Variants in FSCN1 observed in about 807,000 individuals in gnomAD.
FSCN1 encodes the protein fascin actin-bundling protein 1, also known as fascin.
A neutral mutation model predicts 39.7 loss-of-function variants in FSCN1; 10 were observed. That is an observed-to-expected ratio of 0.25 (90% CI 0.16 to 0.43). FSCN1 has a LOEUF of 0.43. Among genes scored for constraint, FSCN1 ranks in the 20% least tolerant of loss-of-function variants. The pLI is 1.00. For missense variants in FSCN1, 525 were observed against 723.8 expected (o/e 0.73, Z 3.15); for synonymous variants, 322 against 320.0 (o/e 1.01, Z -0.07).
rs781607926 is a variant in FSCN1, at chr7:5,593,058, A to G, written c.122A>G (p.Lys41Arg). The change falls in exon 1 of 5, where the codon AAG (lysine) becomes AGG (arginine). Residue 41 changes from lysine (K) to arginine (R), a missense_variant. This residue lies in a region of FSCN1 where 246 missense variants were observed against 350.6 expected (regional missense o/e 0.70). Transcript: ENST00000382361. ...FKVNASASSL[K>R]KKQIWTLEQP... ...GTGAACGCGTCCGCCAGCAGCCTGA[A>G]GAAGAAGCAGATCTGGACGCTGGAG... 5 of 1,604,506 alleles carry G rather than the reference A, an allele frequency of 3.1e-6. No homozygotes were observed. The highest frequency in any genetic ancestry group is 4.3e-6 in the Non-Finnish European group (5 of 1,176,404).
At chr7:5,602,766 C>T (rs1259073773) in intron 1 of FSCN1, 4 of 173,920 alleles carry the variant, frequency 2.3e-5, no homozygotes, top group East Asian at 1.7e-4. Flanking sequence ...GGTGCAATCA[C>T]GGCTCACTGC....
chr7:5,604,524 A>G (rs2128550318), intron 4 of FSCN1, among the ~76,000 whole-genome samples: 1 of 151,724 alleles, frequency 6.6e-6, no homozygotes, highest in South Asian at 2.1e-4. Context: ...GCTGGACTGC[A>G]GTGGCGTTAT....
Position 5,592,873 on chromosome 7 carries a change from GCCGCCGCAGGGAC to G in FSCN1, c.-58_-46del. On this transcript the variant is annotated 5_prime_UTR_variant, in exon 1 of 5. Coordinates refer to ENST00000382361, the MANE Select transcript of FSCN1 (RefSeq NM_003088.4). The surrounding 1 kb of genome is among the most constrained non-coding windows in gnomAD (Gnocchi z 5.3). ...GGCAGCCGAACAAAGGAGCAGGGGC[GCCGCCGCAGGGAC>G]CCGCCACCCACCTCCCGGGGCCGCG... 9.8e-7 allele frequency: 1 copy of G among 1,016,874 alleles called. No individual in the cohort carries two copies. The highest frequency in any genetic ancestry group is 1.4e-6 in the Non-Finnish European group (1 of 710,454). The allele number at this position is 1,016,874 out of a possible 1,614,324, so 63.0% of individuals were successfully genotyped here.
Position 5,603,917 on chromosome 7 carries a change from G to C in FSCN1, c.1166G>C (p.Arg389Pro). Residue 389 changes from arginine to proline, a missense_variant, in exon 4 of 5, where the codon CGC becomes CCC. By Grantham distance (103) the Arg-to-Pro change is moderately radical. Coordinates refer to ENST00000382361, the MANE Select transcript of FSCN1 (RefSeq NM_003088.4). The surrounding 1 kb of genome is among the most constrained non-coding windows in gnomAD (Gnocchi z 8.5). ...KLINRPIIVF[R>P]GEHGFIGCRK... ...ATCAACCGCCCCATCATCGTGTTCC[G>C]CGGGGAGCATGGCTTCATCGGCTGC... 6.2e-7 allele frequency: 1 copy of C among 1,614,012 alleles called. No individual in the cohort carries two copies. Among genetic ancestry groups the C allele is most frequent in the Non-Finnish European group, 8.5e-7 (1 of 1,180,014 alleles).
chr7:5,602,130 T>C (rs1334732842), intron 1 of FSCN1, among the ~76,000 whole-genome samples: 1 of 151,782 alleles, frequency 6.6e-6, no homozygotes, highest in African/African-American at 2.4e-5. Context: ...GGTCTCAAAC[T>C]CCCGACCTCG....
chr7:5,602,139 C>T (rs113327561), intron 1 of FSCN1, among the ~76,000 whole-genome samples: 1,952 of 151,424 alleles, frequency 0.013, 41 homozygotes, highest in African/African-American at 0.045. Flanking sequence ...CTCCCGACCT[C>T]GGGTGATCTG....
chr7:5,599,115 C>T lies in FSCN1; in HGVS notation c.833-4142C>T, dbSNP rs1289903487. ...CCTGGGGTGTGGCCTTAGGATGGTC[C>T]CGGCACCCTGGGACCCAGCCCCTGC... On this transcript the variant is annotated intron_variant, in intron 1 of 4. Coordinates refer to ENST00000382361, the MANE Select transcript of FSCN1 (RefSeq NM_003088.4). This position sits in a 1 kb window ranked among gnomAD's most constrained non-coding sequence, Gnocchi z 5.6. 5.7e-4 allele frequency among the ~76,000 whole-genome samples: 2 copies of T among 3,488 alleles called. No individual in the cohort carries two copies. Among genetic ancestry groups the T allele is most frequent in the African/African-American group, 1.6e-3 (1 of 638 alleles). The allele number at this position is 3,488 out of a possible 152,430, so 2.3% of individuals were successfully genotyped here. A position where few individuals can be genotyped will look rare whatever the true frequency, so the allele number is the denominator to read the frequency against.
At chr7:5,602,161 C>T (rs1020604891) in intron 1 of FSCN1, among the ~76,000 whole-genome samples, 1 of 151,456 alleles carries the variant, frequency 6.6e-6, no homozygotes, top group African/African-American at 2.4e-5. Context: ...CTGCCTTGGC[C>T]TCCCAAACTG....
In FSCN1 at chr7:5,593,243, C is replaced by T. The variant is rs1027663310; in HGVS notation, c.307C>T (p.Leu103=). 3.1e-6 allele frequency: 5 copies of T among 1,608,894 alleles called. No homozygotes were observed. Among genetic ancestry groups the T allele is most frequent in the Non-Finnish European group, 4.2e-6 (5 of 1,178,840 alleles). Residue 103 remains leucine, a synonymous_variant, in exon 1 of 5, where the codon CTG becomes TTG. Transcript: ENST00000382361. ...GGCGCACGACGACGGTCGCTGGTCG[C>T]TGCAGTCCGAGGCGCACCGGCGCTA... is the stretch of plus-strand genomic sequence containing the variant. The part of the protein sequence containing the change: ...IVAHDDGRWS[L]QSEAHRRYFG...
In FSCN1 at chr7:5,593,622, G is replaced by A. The variant is rs774813520; in HGVS notation, c.686G>A (p.Arg229His). Residue 229 changes from arginine to histidine, a missense_variant, in exon 1 of 5, where the codon CGT becomes CAT. Physicochemically the swap from Arg to His is conservative, Grantham distance 29. Around this residue, in one of 3 missense-constraint regions of FSCN1, gnomAD observed 246 missense variants for 350.6 expected, o/e 0.70. Coordinates refer to ENST00000382361, the MANE Select transcript of FSCN1 (RefSeq NM_003088.4). Reference protein sequence around the residue: ...GKVAFRDCEGRYLAPSGPSGT... With the variant: ...GKVAFRDCEGHYLAPSGPSGT... ...GTGGCCTTCCGCGACTGCGAGGGCC[G>A]TTACCTGGCGCCGTCGGGGCCCAGC... 5.1e-6 allele frequency: 8 copies of A among 1,562,774 alleles called. No individual in the cohort carries two copies. In the Admixed American group the frequency reaches 5.6e-5, roughly 11 times the overall value.
At position 5,599,636 on chromosome 7, in the gene FSCN1, C is replaced by G. The variant is rs1785792348; in HGVS notation, c.833-3621C>G. Among the ~76,000 whole-genome samples, 1 of 152,006 alleles carries G rather than the reference C, an allele frequency of 6.6e-6. No individual in the cohort carries two copies. Among genetic ancestry groups the G allele is most frequent in the African/African-American group, 2.4e-5 (1 of 41,364 alleles). ...GGCAACATAGCGAGACCACCCCCATCTCTACAAAATAATGTTAAAGTTAGC... is the reference window on the plus strand; with the variant it reads ...GGCAACATAGCGAGACCACCCCCATGTCTACAAAATAATGTTAAAGTTAGC... On this transcript the variant is annotated intron_variant, in intron 1 of 4. Coordinates refer to ENST00000382361, the MANE Select transcript of FSCN1 (RefSeq NM_003088.4). This position sits in a 1 kb window ranked among gnomAD's most constrained non-coding sequence, Gnocchi z 5.6.
rs555684920 is a variant in FSCN1 at position 5,604,511 on chromosome 7, C to T, written c.1279+481C>T. On this transcript the variant is annotated intron_variant, in intron 4 of 4. Coordinates refer to ENST00000382361, the MANE Select transcript of FSCN1 (RefSeq NM_003088.4). ...TTTTTTTGAGACTCACTCCCTCACC[C>T]TGGCTGGACTGCAGTGGCGTTATCT... 8.5e-3 allele frequency among the ~76,000 whole-genome samples: 931 copies of T among 109,618 alleles called. 5 individuals are homozygous for T. The highest frequency in any genetic ancestry group is 0.037 in the Middle Eastern group (7 of 190). The allele number at this position is 109,618 out of a possible 152,430, so 71.9% of individuals were successfully genotyped here. A position where few individuals can be genotyped will look rare whatever the true frequency, so the allele number is the denominator to read the frequency against.
rs1322583262 is a variant in FSCN1, at chr7:5,599,423, T to TG, written c.833-3833dup. Among the ~76,000 whole-genome samples the TG allele has an allele frequency of 1.3e-5, 2 of 152,112 alleles. No individual in the cohort carries two copies. The highest frequency in any genetic ancestry group is 2.9e-5 in the Non-Finnish European group (2 of 68,026). On this transcript the variant is annotated intron_variant, in intron 1 of 4. Coordinates refer to ENST00000382361, the MANE Select transcript of FSCN1 (RefSeq NM_003088.4). This position sits in a 1 kb window ranked among gnomAD's most constrained non-coding sequence, Gnocchi z 5.6. ...TGCTGTGTGACCTTAGGCAAGGACATGCCACCACCGGCCTTAGTCTCCCTC... is the reference window on the plus strand; with the variant it reads ...TGCTGTGTGACCTTAGGCAAGGACATGGCCACCACCGGCCTTAGTCTCCCTC...
In FSCN1 at chr7:5,603,336, G is replaced by T. The variant is rs746374083; in HGVS notation, c.912G>T (p.Lys304Asn). 18 of 1,613,578 alleles carry T rather than the reference G, an allele frequency of 1.1e-5. No homozygotes were observed. Among genetic ancestry groups the T allele is most frequent in the Non-Finnish European group, 1.4e-5 (16 of 1,180,024 alleles). Residue 304 changes from lysine (K) to asparagine (N), a missense_variant, in exon 2 of 5, where the codon AAG becomes AAT. Lys to Asn is a moderately conservative substitution (Grantham distance 94, BLOSUM62 0). This residue lies in a region of FSCN1 where 275 missense variants were observed against 351.9 expected (regional missense o/e 0.78). Coordinates refer to ENST00000382361, the MANE Select transcript of FSCN1 (RefSeq NM_003088.4). The surrounding 1 kb of genome is among the most constrained non-coding windows in gnomAD (Gnocchi z 8.5). Reference sequence around the variant, plus strand: ...TGGAGATCGACCGCGACACCAAAAAGTGTGCCTTCCGTACCCACACGGGCA... The same window carrying T: ...TGGAGATCGACCGCGACACCAAAAATTGTGCCTTCCGTACCCACACGGGCA... ...FQLEIDRDTK[K>N]CAFRTHTGKY...
In FSCN1 at chr7:5,603,169, G is replaced by A. The variant is rs559607054; in HGVS notation, c.833-88G>A. ...ACCCCACCCCGTGGTGTTACCTTGC[G>A]TGTGTAGTTCTGTGAGCTCAGGGCT... On this transcript the variant is annotated intron_variant, in intron 1 of 4. Transcript: ENST00000382361. This position sits in a 1 kb window ranked among gnomAD's most constrained non-coding sequence, Gnocchi z 8.5. 1.6e-5 allele frequency: 24 copies of A among 1,470,026 alleles called. No homozygotes were observed. Among genetic ancestry groups the A allele is most frequent in the Admixed American group, 8.9e-5 (5 of 56,382 alleles). The allele number at this position is 1,470,026 out of a possible 1,614,324, so 91.1% of individuals were successfully genotyped here.
Position 5,593,428 on chromosome 7 carries a change from C to A in FSCN1, c.492C>A (p.Ala164=), listed in dbSNP as rs61731558. 6.2e-7 allele frequency: 1 copy of A among 1,612,106 alleles called. No individual in the cohort carries two copies. Among genetic ancestry groups the A allele is most frequent in the African/African-American group, 1.3e-5 (1 of 75,048 alleles). ...HLSARPADEI[A]VDRDVPWGVD... is the part of the protein sequence containing the mutation. ...GCGCGCGGCCGGCCGACGAGATCGC[C>A]GTGGACCGCGACGTGCCCTGGGGCG... The change falls in exon 1 of 5, where the codon GCC becomes GCA. Residue 164 remains alanine, a synonymous_variant. Coordinates refer to ENST00000382361, the MANE Select transcript of FSCN1 (RefSeq NM_003088.4).
chr7:5,593,114 G>C lies in FSCN1; in HGVS notation c.178G>C (p.Val60Leu). 1 of 1,604,588 alleles carries C rather than the reference G, an allele frequency of 6.2e-7. No individual in the cohort carries two copies. The highest frequency in any genetic ancestry group is 1.3e-5 in the African/African-American group (1 of 74,948). Reference sequence around the variant, plus strand: ...CCCTGACGAGGCGGGCAGCGCGGCCGTGTGCCTGCGCAGCCACCTGGGCCG... The same window carrying C: ...CCCTGACGAGGCGGGCAGCGCGGCCCTGTGCCTGCGCAGCCACCTGGGCCG... Reference protein sequence around the residue: ...QPPDEAGSAAVCLRSHLGRYL... With the variant: ...QPPDEAGSAALCLRSHLGRYL... Residue 60 changes from valine (V) to leucine (L), a missense_variant, in exon 1 of 5, where the codon GTG (valine) becomes CTG (leucine). Around this residue, in one of 3 missense-constraint regions of FSCN1, gnomAD observed 246 missense variants for 350.6 expected, o/e 0.70. Transcript: ENST00000382361.
chr7:5,603,452 C>G lies in FSCN1; in HGVS notation c.989+39C>G. The stretch of plus-strand genomic sequence containing the variant: ...TCCCACCTGTCACCGCCCCCACCAC[C>G]TTGCCTGGGCTACCCCGCCTGACCC... On this transcript the variant is annotated intron_variant, in intron 2 of 4. Coordinates refer to ENST00000382361, the MANE Select transcript of FSCN1 (RefSeq NM_003088.4). This position sits in a 1 kb window ranked among gnomAD's most constrained non-coding sequence, Gnocchi z 8.5. 1 of 1,613,958 alleles carries G rather than the reference C, an allele frequency of 6.2e-7. No homozygotes were observed. The highest frequency in any genetic ancestry group is 1.3e-5 in the African/African-American group (1 of 75,072).
chr7:5,605,577 C>T lies in FSCN1; in HGVS notation c.*103C>T. The T allele has an allele frequency of 4.6e-6, 4 of 861,704 alleles. No homozygotes were observed. The South Asian group carries it at 5.4e-5, about 12-fold the overall frequency. 53.4% of individuals were successfully genotyped at this position (861,704 alleles called of 1,614,324 possible). A position where few individuals can be genotyped will look rare whatever the true frequency, so the allele number is the denominator to read the frequency against. On this transcript the variant is annotated 3_prime_UTR_variant, in exon 5 of 5. Transcript: ENST00000382361. The surrounding 1 kb of genome is among the most constrained non-coding windows in gnomAD (Gnocchi z 6.9). ...TGGGCTCCAGGGCGGGAGGCAAGCC[C>T]CCTTGCCTTTCAAACTGGAAACCCC...
Sources: allele counts gnomAD v4.1 joint callset (sites outside exome capture counted in the v4.1 genomes callset), GRCh38; gene constraint gnomAD v4.1.1; regional missense constraint gnomAD v4.1.1; non-coding constraint Gnocchi (gnomAD v3.1); transcripts MANE v1.5; gene names NCBI Gene and HGNC (gene_info 2026-07-23, HGNC 2026-07-21).